Variants in BRD4 observed in about 807,000 individuals in gnomAD.
The protein encoded by BRD4 is bromodomain containing 4, also known as bromodomain-containing protein 4.
In BRD4, 16 loss-of-function variants were observed where a neutral mutation model predicts 142.1. The ratio of observed to expected loss-of-function variants is 0.11; its 90% CI spans 0.08 to 0.17. The LOEUF (loss-of-function observed/expected upper bound fraction) is 0.17. Ranked by LOEUF, BRD4 falls within the 10% of genes least tolerant of loss-of-function variation. The probability of loss-of-function intolerance (pLI) is 1.00; values close to 1 mark genes in which losing one functional copy is unlikely to be tolerated. For missense variants in BRD4, 1,424 were observed against 1,810.9 expected, an observed-to-expected ratio of 0.79 and a Z score of 3.88; for synonymous variants, 833 against 707.5, an observed-to-expected ratio of 1.18 and a Z score of -2.82.
chr19:15,247,575 C>T (rs868326545), intron 11 of BRD4: 40 of 232,822 alleles, frequency 1.7e-4, no homozygotes, highest in Admixed American at 5.1e-4. Context: ...CGCGTGCGTG[C>T]GTGTGTCGGG....
chr19:15,282,924 T>A (rs1221997075), intron 1 of BRD4, among the ~76,000 whole-genome samples: 1 of 152,156 alleles, frequency 6.6e-6, no homozygotes, highest in Non-Finnish European at 1.5e-5. Flanking sequence ...TATGATCATG[T>A]CACTGCACTC....
At chr19:15,323,941 T>A (rs1228374372) in intron 1 of BRD4, among the ~76,000 whole-genome samples, 2 of 152,220 alleles carry the variant, frequency 1.3e-5, no homozygotes, top group African/African-American at 4.8e-5. Flanking sequence ...AGTACCCACA[T>A]GGTCCCCCTT....
chr19:15,305,101 C>T (rs1489119224), intron 1 of BRD4, among the ~76,000 whole-genome samples: 2 of 150,936 alleles, frequency 1.3e-5, no homozygotes, highest in Admixed American at 6.6e-5. Flanking sequence ...ACACCACAAC[C>T]TCCACCTCCT....
intron 1 of BRD4, among the ~76,000 whole-genome samples, chr19:15,277,056 C>A (rs898471173): frequency 7.2e-5 from 11 of 152,174 alleles, no homozygotes; most frequent in African/African-American, 2.7e-4. Flanking sequence ...GAGACAACAT[C>A]TTCAAAGTTT....
intron 1 of BRD4, among the ~76,000 whole-genome samples, chr19:15,280,079 C>T (rs984735230): frequency 3.3e-5 from 5 of 152,236 alleles, no homozygotes; most frequent in African/African-American, 9.6e-5. Context: ...ATGCTGTTAT[C>T]GAGCACTTCA....
intron 1 of BRD4, among the ~76,000 whole-genome samples, chr19:15,273,606 T>C (rs1264253393): frequency 1.3e-5 from 2 of 152,216 alleles, no homozygotes; most frequent in Non-Finnish European, 2.9e-5. Context: ...AATCATTTCA[T>C]TTGGTGGGCC....
At chr19:15,274,591 C>T (rs529130672) in intron 1 of BRD4, among the ~76,000 whole-genome samples, 117 of 152,336 alleles carry the variant, frequency 7.7e-4, no homozygotes, top group Non-Finnish European at 1.3e-3. Context: ...AGGACACAGG[C>T]GGCCAGGGTG....
intron 11 of BRD4, among the ~76,000 whole-genome samples, chr19:15,249,880 A>G (rs2047325788): frequency 6.6e-6 from 1 of 152,190 alleles, no homozygotes; most frequent in Non-Finnish European, 1.5e-5. Flanking sequence ...CCCAAACAAA[A>G]AGCTCAAACT....
intron 1 of BRD4, among the ~76,000 whole-genome samples, chr19:15,277,097 C>T (rs1195296214): frequency 6.6e-6 from 1 of 152,176 alleles, no homozygotes; most frequent in African/African-American, 2.4e-5. Flanking sequence ...CTGCTGCTCC[C>T]TCTCCATTTT....
rs1383772908 is a variant in BRD4, at chr19:15,239,342, C to G, written c.3576+50G>C. The G allele has an allele frequency of 1.2e-6, 2 of 1,614,110 alleles. No individual in the cohort carries two copies. The highest frequency in any genetic ancestry group is 1.7e-5 in the Admixed American group (1 of 60,020). ...ATAGCTGGGGGTGTGCCCAGCATGG[C>G]ACCTTCCAGGGCCAAGGGGCAAGCG... On this transcript the variant is annotated intron_variant, in intron 17 of 19. Coordinates refer to ENST00000679869, the MANE Select transcript of BRD4 (RefSeq NM_001379291.1). The surrounding 1 kb of genome is among the most constrained non-coding windows in gnomAD (Gnocchi z 7.4).
intron 1 of BRD4, among the ~76,000 whole-genome samples, chr19:15,273,816 CT>C (rs920676613): frequency 0.03 from 3,807 of 127,292 alleles, 63 homozygotes; most frequent in African/African-American, 0.046. Flanking sequence ...CTACCATTTT[CT>C]TTTTTTTTTT....
chr19:15,258,655 G>A (rs1018464840), intron 7 of BRD4, among the ~76,000 whole-genome samples: 11 of 152,038 alleles, frequency 7.2e-5, no homozygotes, highest in African/African-American at 2.2e-4. Flanking sequence ...GCCCAGGGTG[G>A]AATGCAATCA....
intron 1 of BRD4, among the ~76,000 whole-genome samples, chr19:15,294,193 T>G (rs1568401411): frequency 2.6e-5 from 4 of 152,246 alleles, no homozygotes; most frequent in Admixed American, 2.0e-4. Flanking sequence ...AACTAAACAT[T>G]TCTGTGTTGA....
chr19:15,323,178 TAAAAAAAA>T (rs1017018376), intron 1 of BRD4, among the ~76,000 whole-genome samples: 19 of 73,050 alleles, frequency 2.6e-4, no homozygotes, highest in East Asian at 1.5e-3. Context: ...TCCATCTCTT[TAAAAAAAA>T]AAAAAAAAAA....
intron 1 of BRD4, among the ~76,000 whole-genome samples, chr19:15,296,496 A>G (rs970548908): frequency 2.0e-5 from 3 of 152,160 alleles, no homozygotes; most frequent in Admixed American, 1.3e-4. Flanking sequence ...AAAGCCAGAG[A>G]TTAGCCACGA....
At chr19:15,295,911 C>T (rs1252849309) in intron 1 of BRD4, among the ~76,000 whole-genome samples, 2 of 152,186 alleles carry the variant, frequency 1.3e-5, no homozygotes, top group Admixed American at 1.3e-4. Flanking sequence ...GTGGAGGTTG[C>T]AGTGAGCTGA....
In BRD4 at chr19:15,243,377, G is replaced by C. The variant is rs756269008; in HGVS notation, c.2692C>G (p.Pro898Ala). 39 of 1,525,182 alleles carry C rather than the reference G, an allele frequency of 2.6e-5. No homozygotes were observed. Among genetic ancestry groups the C allele is most frequent in the Admixed American group, 2.2e-5 (1 of 45,904 alleles). 94.5% of individuals were successfully genotyped at this position (1,525,182 alleles called of 1,614,324 possible). A position where few individuals can be genotyped will look rare whatever the true frequency, so the allele number is the denominator to read the frequency against. ...PAVSPALTQT[P>A]LLPQPPMAQP... ...GCCATGGGGGGCTGTGGGAGCAGGG[G>C]TGTTTGGGTCAAGGCTGGTGACACG... The change falls in exon 14 of 20, where the codon CCC (proline) becomes GCC (alanine). Residue 898 changes from proline (P) to alanine (A), a missense_variant. Physicochemically the swap from Pro to Ala is conservative, Grantham distance 27. Coordinates refer to ENST00000679869, the MANE Select transcript of BRD4 (RefSeq NM_001379291.1).
chr19:15,314,341 A>G (rs2047998774), intron 1 of BRD4, among the ~76,000 whole-genome samples: 1 of 152,178 alleles, frequency 6.6e-6, no homozygotes, highest in Admixed American at 6.5e-5. Context: ...ATTAAACATG[A>G]TACTTATCTA....
intron 1 of BRD4, among the ~76,000 whole-genome samples, chr19:15,278,014 G>C (rs999148008): frequency 2.8e-5 from 4 of 144,784 alleles, no homozygotes; most frequent in Non-Finnish European, 4.5e-5. Context: ...GCTGAGGCAG[G>C]AGCATGGTGT....
Sources: allele counts gnomAD v4.1 joint callset (sites outside exome capture counted in the v4.1 genomes callset), GRCh38; gene constraint gnomAD v4.1.1; non-coding constraint Gnocchi (gnomAD v3.1); transcripts MANE v1.5; gene names NCBI Gene and HGNC (gene_info 2026-07-23, HGNC 2026-07-21).